ZNF536: variants seen among roughly 807,000 people sequenced by gnomAD.
The protein encoded by ZNF536 is zinc finger protein 536.
ZNF536 carries 13 observed loss-of-function variants against 84.5 expected under a neutral mutation model. The ratio of observed to expected loss-of-function variants is 0.15; its 90% confidence interval spans 0.10 to 0.24. The LOEUF is 0.24. Ranked by LOEUF, ZNF536 falls within the 10% of genes least tolerant of loss-of-function variation. The pLI, the probability that ZNF536 is intolerant of heterozygous loss-of-function variation, is 1.00. For missense variants in ZNF536, 1,536 were observed against 1,747.5 expected (o/e 0.88, Z 2.16); for synonymous variants, 811 against 742.5 (o/e 1.09, Z -1.50).
intron 2 of ZNF536, among the ~76,000 whole-genome samples, chr19:30,326,750 C>T (rs1317657529): frequency 3.0e-5 from 3 of 99,232 alleles, no homozygotes; most frequent in African/African-American, 1.1e-4. Flanking sequence ...GAAAGACACG[C>T]GATGATTTTT....
chr19:30,597,193 G>A (rs1201665263), intron 1 of ZNF536, among the ~76,000 whole-genome samples: 2 of 152,220 alleles, frequency 1.3e-5, no homozygotes, highest in African/African-American at 4.8e-5. Flanking sequence ...CAACTTCTGT[G>A]GGATGGTCCC....
chr19:30,470,058 C>T lies in ZNF536; in HGVS notation c.2170+24326C>T, dbSNP rs181914006. Among the ~76,000 whole-genome samples the T allele has an allele frequency of 3.7e-3, 570 of 152,346 alleles. 5 individuals carry two copies. Among genetic ancestry groups the T allele is most frequent in the African/African-American group, 0.013 (546 of 41,584 alleles). ...TTCCAGAGCCTGTGGCTGCTTCAAG[C>T]TGCCGTGGACAGCCTCCTCCCAGGT... On this transcript the variant is annotated intron_variant, in intron 2 of 4. Coordinates refer to ENST00000355537, the MANE Select transcript of ZNF536 (RefSeq NM_014717.3).
In ZNF536 at chr19:30,627,302, CA is replaced by C. The variant is rs199653636; in HGVS notation, c.169+77797del. On this transcript the variant is annotated intron_variant, in intron 1 of 1. Transcript: ENST00000592773. ...GGAATGTAGGGAGACCCCATCTCTACAAAAAAAAATAAGAAAATAGTCAGGT... is the reference window on the plus strand; with the variant it reads ...GGAATGTAGGGAGACCCCATCTCTACAAAAAAAATAAGAAAATAGTCAGGT... Among the ~76,000 whole-genome samples, 26 of 148,462 alleles carry C rather than the reference CA, an allele frequency of 1.8e-4. No individual in the cohort carries two copies. The South Asian group carries it at 2.3e-3, about 13-fold the overall frequency.
rs1172549262 is a variant in ZNF536, at chr19:30,387,460, C to T, written c.-3+14904C>T. ...GAACCTGCCCTCCCATGGTTGACGGCGGTGAGGGACCCACTGCCTCTTTCC... is the reference window on the plus strand; with the variant it reads ...GAACCTGCCCTCCCATGGTTGACGGTGGTGAGGGACCCACTGCCTCTTTCC... On this transcript the variant is annotated intron_variant, in intron 1 of 4. Coordinates refer to ENST00000355537, the MANE Select transcript of ZNF536 (RefSeq NM_014717.3). 3.9e-5 allele frequency among the ~76,000 whole-genome samples: 6 copies of T among 152,240 alleles called. No homozygotes were observed. In the South Asian group the frequency reaches 8.3e-4, roughly 21 times the overall value.
intron 2 of ZNF536, among the ~76,000 whole-genome samples, chr19:30,323,668 C>G (rs2046930614): frequency 6.6e-6 from 1 of 152,144 alleles, no homozygotes; most frequent in South Asian, 2.1e-4. Flanking sequence ...CAGGTGCTGT[C>G]TAGAGGAAGC....
Position 30,626,304 on chromosome 19 carries a change from C to CTTTTT in ZNF536, c.169+76791_169+76792insTTTTT, listed in dbSNP as rs1375245651. Among the ~76,000 whole-genome samples, 13 of 152,122 alleles carry CTTTTT rather than the reference C, an allele frequency of 8.5e-5. 1 individual carries two copies. Among genetic ancestry groups the CTTTTT allele is most frequent in the African/African-American group, 2.7e-4 (11 of 41,420 alleles). ...AAAATTTAGCAATTTTTTCCCCTTC[C>CTTTTT]TAATTATCTTCTATATTTTTGCCAG... On this transcript the variant is annotated intron_variant, in intron 1 of 1. Coordinates refer to the ZNF536 transcript ENST00000592773.
intron 2 of ZNF536, among the ~76,000 whole-genome samples, chr19:30,329,921 A>T (rs535721299): frequency 1.3e-5 from 2 of 152,222 alleles, no homozygotes; most frequent in Admixed American, 1.3e-4. Context: ...CTTGATTTTC[A>T]AAAAATATCC....
rs980355866 is a variant in ZNF536 at position 30,572,811 on chromosome 19, G to A, written c.169+23297G>A. On this transcript the variant is annotated intron_variant, in intron 1 of 1. Transcript: ENST00000592773. ...TTCTATACCCCAGAGGGCAGGGAAG[G>A]CCTCTTTGTTGAAGGGGGACATTGG... Among the ~76,000 whole-genome samples, 4 of 152,192 alleles carry A rather than the reference G, an allele frequency of 2.6e-5. No individual in the cohort carries two copies. In the East Asian group the frequency reaches 7.7e-4, roughly 29 times the overall value.
intron 1 of ZNF536, among the ~76,000 whole-genome samples, chr19:30,440,360 A>G (rs544403423): frequency 6.6e-6 from 1 of 152,020 alleles, no homozygotes; most frequent in South Asian, 2.1e-4. Context: ...GTGCTCATGG[A>G]CTTGTGCGAA....
chr19:30,307,192 A>G (rs1170375920), intron 2 of ZNF536, among the ~76,000 whole-genome samples: 6 of 152,066 alleles, frequency 3.9e-5, no homozygotes. Flanking sequence ...GTCCCCTCAC[A>G]TATATTTATA....
chr19:30,280,115 G>T (rs116998480), intron 1 of ZNF536, among the ~76,000 whole-genome samples: 9 of 151,840 alleles, frequency 5.9e-5, no homozygotes, highest in African/African-American at 2.2e-4. Context: ...CATCCGCCTC[G>T]CCTCCATCTG....
chr19:30,625,472 T>A (rs2048640979), intron 1 of ZNF536, among the ~76,000 whole-genome samples: 1 of 152,234 alleles, frequency 6.6e-6, no homozygotes, highest in African/African-American at 2.4e-5. Context: ...ATGAAATTAT[T>A]TCTCCGTGTT....
chr19:30,536,504 A>G (rs762949554), intron 3 of ZNF536, among the ~76,000 whole-genome samples: 8 of 152,260 alleles, frequency 5.3e-5, no homozygotes, highest in Admixed American at 2.6e-4. Context: ...ACAGGTGGCA[A>G]TATTGTCTAT....
At chr19:30,608,985 A>G (rs1001858228) in intron 1 of ZNF536, among the ~76,000 whole-genome samples, 1 of 152,180 alleles carries the variant, frequency 6.6e-6, no homozygotes, top group South Asian at 2.1e-4. Flanking sequence ...CAGGTGACAA[A>G]AGGGCCCATA....
chr19:30,339,708 G>A (rs558080847), intron 2 of ZNF536, among the ~76,000 whole-genome samples: 1 of 152,290 alleles, frequency 6.6e-6, no homozygotes, highest in Non-Finnish European at 1.5e-5. Context: ...GCACCATAGG[G>A]AGACAAGAGG....
chr19:30,538,997 C>T (rs1192273122), intron 3 of ZNF536, among the ~76,000 whole-genome samples: 2 of 151,378 alleles, frequency 1.3e-5, no homozygotes, highest in African/African-American at 4.9e-5. Flanking sequence ...TGTTTGAGCC[C>T]AGGAGTTCAA....
At chr19:30,382,681 G>A (rs2049068511) in intron 1 of ZNF536, among the ~76,000 whole-genome samples, 1 of 152,056 alleles carries the variant, frequency 6.6e-6, no homozygotes, top group Non-Finnish European at 1.5e-5. Flanking sequence ...CGATAGTGAG[G>A]GAAGGAAGTA....
chr19:30,269,815 C>T (rs947134896), intron 1 of ZNF536, among the ~76,000 whole-genome samples: 1 of 152,146 alleles, frequency 6.6e-6, no homozygotes, highest in Admixed American at 6.5e-5. Context: ...GTGCGGCCTT[C>T]CCACTGCCAT....
chr19:30,535,533 CT>C (rs2045035181), intron 3 of ZNF536, among the ~76,000 whole-genome samples: 1 of 152,120 alleles, frequency 6.6e-6, no homozygotes, highest in African/African-American at 2.4e-5. Flanking sequence ...TGACTCTTCC[CT>C]GTATCTCCTC....
Sources: allele counts gnomAD v4.1 joint callset (sites outside exome capture counted in the v4.1 genomes callset), GRCh38; gene constraint gnomAD v4.1.1; transcripts MANE v1.5; gene names NCBI Gene and HGNC (gene_info 2026-07-23, HGNC 2026-07-21).